Variants in IFT22 observed in about 807,000 individuals in gnomAD.
IFT22 encodes intraflagellar transport protein 22 homolog.
In IFT22, 13 loss-of-function variants were observed where a neutral mutation model predicts 21.0. That is an observed-to-expected ratio of 0.62 (90% CI 0.40 to 0.98). IFT22 has a LOEUF of 0.98. Among genes scored for constraint, IFT22 ranks in the 50% least tolerant of loss-of-function variants. The pLI is 0.00. For missense variants in IFT22, 227 were observed against 228.9 expected (o/e 0.99, Z 0.06); for synonymous variants, 67 against 82.4 (o/e 0.81, Z 1.01).
chr7:101,318,688 G>A, intron 2 of IFT22: 1 of 395,426 alleles, frequency 2.5e-6, no homozygotes, highest in Non-Finnish European at 4.6e-6. Flanking sequence ...CCAGGCTGGA[G>A]TGCAGTGGCA....
At chr7:101,319,407 A>C (rs1018282377) in intron 1 of IFT22, among the ~76,000 whole-genome samples, 1 of 151,650 alleles carries the variant, frequency 6.6e-6, no homozygotes, top group African/African-American at 2.4e-5. Flanking sequence ...TCTGTAGTAG[A>C]AATTGGGGTT....
Position 101,312,979 on chromosome 7 carries a change from A to C in IFT22, c.*2155T>G, listed in dbSNP as rs1400943873. 6.6e-6 allele frequency among the ~76,000 whole-genome samples: 1 copy of C among 151,596 alleles called. No individual in the cohort carries two copies. Among genetic ancestry groups the C allele is most frequent in the Non-Finnish European group, 1.5e-5 (1 of 67,970 alleles). On this transcript the variant is annotated 3_prime_UTR_variant, in exon 5 of 5. Coordinates refer to ENST00000315322, the MANE Select transcript of IFT22 (RefSeq NM_022777.4). ...TTCCCAGGTAGCTGGGATTACAGGC[A>C]CGTGCTACCACGCCCAGCTAATTTT...
rs566756785 is a variant in IFT22 at position 101,317,451 on chromosome 7, T to A, written c.206+673A>T. Among the ~76,000 whole-genome samples, 8 of 151,028 alleles carry A rather than the reference T, an allele frequency of 5.3e-5. No individual in the cohort carries two copies. The South Asian group carries it at 8.4e-4, about 16-fold the overall frequency. On this transcript the variant is annotated intron_variant, in intron 3 of 4. Transcript: ENST00000315322. The stretch of plus-strand genomic sequence containing the variant: ...GCCTGGCCCCTATTTTTTTTTTTTT[T>A]AAAATGAGGTTTCATCATGTTGGGC...
chr7:101,319,378 C>T (rs529555383), intron 1 of IFT22, among the ~76,000 whole-genome samples: 10 of 152,100 alleles, frequency 6.6e-5, no homozygotes, highest in Non-Finnish European at 1.3e-4. Context: ...CCTGCCACCA[C>T]GCCCGGCTTA....
intron 1 of IFT22, among the ~76,000 whole-genome samples, chr7:101,320,057 A>G (rs1790287222): frequency 1.3e-5 from 2 of 149,816 alleles, no homozygotes; most frequent in South Asian, 4.2e-4. Context: ...CCCGGATTCA[A>G]GCAATTCTCC....
At chr7:101,318,529 A>G (rs2116928496) in intron 2 of IFT22, 2 of 274,706 alleles carry the variant, frequency 7.3e-6, no homozygotes, top group Admixed American at 4.9e-5. Context: ...CAAAAAAAAA[A>G]GACGAACAGT....
At chr7:101,319,161 G>C in intron 1 of IFT22, 129 bp from the exon 2 acceptor site, 4 of 802,012 alleles carry the variant, frequency 5.0e-6, no homozygotes, top group Admixed American at 4.1e-5. Context: ...AGATCACTGG[G>C]GTGGTTACGA....
In IFT22 at chr7:101,311,885, G is replaced by A. The variant is rs1192172194; in HGVS notation, c.*3249C>T. ...TAGCCGGGTGCAGTGGCAGGCACCTGTAATCCCAGCTGCTTGGGAGGCTGA... is the reference window on the plus strand; with the variant it reads ...TAGCCGGGTGCAGTGGCAGGCACCTATAATCCCAGCTGCTTGGGAGGCTGA... On this transcript the variant is annotated 3_prime_UTR_variant, in exon 5 of 5. Coordinates refer to ENST00000315322, the MANE Select transcript of IFT22 (RefSeq NM_022777.4). Among the ~76,000 whole-genome samples the A allele has an allele frequency of 6.6e-6, 1 of 152,072 alleles. No homozygotes were observed. The highest frequency in any genetic ancestry group is 1.5e-5 in the Non-Finnish European group (1 of 68,030).
rs1469888192 is a variant in IFT22, at chr7:101,316,350, G to T, written c.399C>A (p.Ser133Arg). 6.2e-7 allele frequency: 1 copy of T among 1,614,024 alleles called. No individual in the cohort carries two copies. Among genetic ancestry groups the T allele is most frequent in the Non-Finnish European group, 8.5e-7 (1 of 1,179,960 alleles). ...HKPGSGDDKGSLSLSPPLNKL... is the reference protein window; with the variant it reads ...HKPGSGDDKGRLSLSPPLNKL... ...TTCCAGTTTCCTTACACAAAGACAGGCTTCCTTTATCATCTCCAGAGCCTG... is the reference window on the plus strand; with the variant it reads ...TTCCAGTTTCCTTACACAAAGACAGTCTTCCTTTATCATCTCCAGAGCCTG... Residue 133 changes from serine to arginine, a missense_variant, in exon 4 of 5, where the codon AGC (serine) becomes AGA (arginine). Ser to Arg is a moderately radical substitution (Grantham distance 110). Coordinates refer to ENST00000315322, the MANE Select transcript of IFT22 (RefSeq NM_022777.4).
intron 3 of IFT22, among the ~76,000 whole-genome samples, chr7:101,317,345 C>T (rs1204833990): frequency 2.0e-5 from 3 of 151,818 alleles, no homozygotes; most frequent in South Asian, 2.1e-4. Context: ...GACAGGGTTT[C>T]GCTATGTTGG....
intron 1 of IFT22, chr7:101,321,362 G>T: frequency 2.4e-6 from 1 of 416,482 alleles, no homozygotes; most frequent in Non-Finnish European, 4.3e-6. Flanking sequence ...TCATTAGGGG[G>T]ATCCCGGGGG....
At chr7:101,320,044 C>T (rs1006309771) in intron 1 of IFT22, among the ~76,000 whole-genome samples, 8 of 151,756 alleles carry the variant, frequency 5.3e-5, no homozygotes, top group Admixed American at 2.0e-4. Context: ...GCAACCTCTG[C>T]CTCCCGGATT....
rs752755913 is a variant in IFT22, at chr7:101,315,219, C to T, written c.473G>A (p.Arg158Gln). 46 of 1,613,978 alleles carry T rather than the reference C, an allele frequency of 2.9e-5. No homozygotes were observed. The highest frequency in any genetic ancestry group is 1.2e-4 in the Admixed American group (7 of 59,988). ...TTTTAAATACTTTATGAATTCCATC[C>T]GGATCTCCTCAGGGTCATCTTCCAG... ...SNLEDDPEEI[R>Q]MEFIKYLKSI... Residue 158 changes from arginine (R) to glutamine (Q), a missense_variant, in exon 5 of 5, where the codon CGG becomes CAG. Transcript: ENST00000315322.
rs557361969 is a variant in IFT22 at position 101,311,227 on chromosome 7, G to A, written c.*3907C>T. On this transcript the variant is annotated 3_prime_UTR_variant, in exon 5 of 5. Transcript: ENST00000315322. ...AGGATGGTCTCGATCTCTTAACCTC[G>A]TAATCCACCCGCCTCGGCCTCCCAA... Among the ~76,000 whole-genome samples the A allele has an allele frequency of 7.2e-5, 11 of 152,102 alleles. No homozygotes were observed. The South Asian group carries it at 1.7e-3, about 23-fold the overall frequency.
chr7:101,313,204 T>C lies in IFT22; in HGVS notation c.*1930A>G, dbSNP rs919299073. Among the ~76,000 whole-genome samples, 10 of 152,098 alleles carry C rather than the reference T, an allele frequency of 6.6e-5. No individual in the cohort carries two copies. The highest frequency in any genetic ancestry group is 2.6e-4 in the Admixed American group (4 of 15,266). On this transcript the variant is annotated 3_prime_UTR_variant, in exon 5 of 5. Transcript: ENST00000315322. ...TATTACAGGTGTGTGCCAACATGCC[T>C]GGCGAATTTTTGTATTTTTAGTAGA...
At chr7:101,319,618 G>C (rs1026715513) in intron 1 of IFT22, among the ~76,000 whole-genome samples, 2 of 147,192 alleles carry the variant, frequency 1.4e-5, no homozygotes, top group African/African-American at 5.0e-5. Flanking sequence ...TGTCCATCTC[G>C]ATTATATGAG....
At chr7:101,320,803 G>A (rs1790320636) in intron 1 of IFT22, among the ~76,000 whole-genome samples, 1 of 151,736 alleles carries the variant, frequency 6.6e-6, no homozygotes, top group South Asian at 2.1e-4. Context: ...AAGAGTTGGA[G>A]ACCAGCCTAG....
Position 101,315,039 on chromosome 7 carries a change from G to C in IFT22, c.*95C>G. On this transcript the variant is annotated 3_prime_UTR_variant, in exon 5 of 5. Coordinates refer to ENST00000315322, the MANE Select transcript of IFT22 (RefSeq NM_022777.4). ...GGAACACTTCCTCTGCAGTCAGAGG[G>C]AGAAGAAAACATCAGGAGCTGGATG... 1 of 1,369,832 alleles carries C rather than the reference G, an allele frequency of 7.3e-7. No individual in the cohort carries two copies. The highest frequency in any genetic ancestry group is 1.4e-5 in the African/African-American group (1 of 69,332). 84.9% of individuals were successfully genotyped at this position (1,369,832 alleles called of 1,614,324 possible). A position where few individuals can be genotyped will look rare whatever the true frequency, so the allele number is the denominator to read the frequency against.
intron 1 of IFT22, 95 bp downstream of exon 1, chr7:101,321,576 G>T: frequency 1.5e-6 from 2 of 1,355,932 alleles, no homozygotes; most frequent in Non-Finnish European, 2.0e-6. Flanking sequence ...CCCGCCTCCG[G>T]GAGCAAGCCG....
Sources: allele counts gnomAD v4.1 joint callset (sites outside exome capture counted in the v4.1 genomes callset), GRCh38; gene constraint gnomAD v4.1.1; transcripts MANE v1.5; gene names NCBI Gene and HGNC (gene_info 2026-07-23, HGNC 2026-07-21).